Variants in CD86 observed in about 807,000 individuals in gnomAD.
CD86 encodes the protein CD86 molecule, also known as T-lymphocyte activation antigen CD86.
In CD86, 11 loss-of-function variants were observed where a neutral mutation model predicts 32.1. The observed-to-expected ratio is 0.34, with a 90% CI of 0.22 to 0.57. CD86 has a LOEUF of 0.57. CD86 is among the 20% of genes least tolerant of loss of function. The pLI, the probability that CD86 is intolerant of heterozygous loss-of-function variation, is 0.86. For missense variants in CD86, 359 were observed against 398.4 expected, an observed-to-expected ratio of 0.90 and a Z score of 0.84; for synonymous variants, 137 against 135.3, an observed-to-expected ratio of 1.01 and a Z score of -0.09.
chr3:122,096,376 T>G (rs921308364), intron 2 of CD86, among the ~76,000 whole-genome samples: 2 of 152,172 alleles, frequency 1.3e-5, no homozygotes, highest in Non-Finnish European at 2.9e-5. Context: ...ATTTTTATGT[T>G]TTATAATTTC....
intron 5 of CD86, among the ~76,000 whole-genome samples, chr3:122,110,321 G>A (rs2073153455): frequency 6.6e-6 from 1 of 152,134 alleles, no homozygotes; most frequent in South Asian, 2.1e-4. Flanking sequence ...GTTTCATGGG[G>A]ACAAAGTGGT....
chr3:122,072,105 A>G (rs1330471921), intron 1 of CD86, among the ~76,000 whole-genome samples: 1 of 150,994 alleles, frequency 6.6e-6, no homozygotes. Flanking sequence ...TATATGTGCC[A>G]TATTTTCTTA....
intron 1 of CD86, chr3:122,077,908 C>G: frequency 3.0e-6 from 3 of 985,492 alleles, no homozygotes; most frequent in Non-Finnish European, 3.6e-6. Flanking sequence ...CTACAAGGAG[C>G]CTTAGGAGGT....
chr3:122,104,741 C>T (rs1016865734), intron 3 of CD86, among the ~76,000 whole-genome samples: 4 of 152,152 alleles, frequency 2.6e-5, no homozygotes, highest in Non-Finnish European at 4.4e-5. Flanking sequence ...AGCGCGCCTT[C>T]GAGATTCACC....
intron 5 of CD86, among the ~76,000 whole-genome samples, chr3:122,113,828 T>C (rs2073210625): frequency 6.6e-6 from 1 of 152,224 alleles, no homozygotes; most frequent in Non-Finnish European, 1.5e-5. Context: ...AGAGATACTG[T>C]CTTCAAATAT....
intron 5 of CD86, among the ~76,000 whole-genome samples, chr3:122,115,794 A>G (rs1278109525): frequency 1.3e-5 from 2 of 151,080 alleles, no homozygotes. Flanking sequence ...AACCTACCTA[A>G]TTTCAATATT....
At chr3:122,106,867 C>CACACACACACAT (rs2073100477) in intron 4 of CD86, among the ~76,000 whole-genome samples, 1 of 151,822 alleles carries the variant, frequency 6.6e-6, no homozygotes. Context: ...CACACACACA[C>CACACACACACAT]ACACCATGCA....
At chr3:122,073,221 T>C (rs1278828932) in intron 1 of CD86, among the ~76,000 whole-genome samples, 1 of 150,686 alleles carries the variant, frequency 6.6e-6, no homozygotes, top group Non-Finnish European at 1.5e-5. Flanking sequence ...TTCTACTAGA[T>C]GTGTAGTGGT....
chr3:122,101,038 G>A (rs2072991449), intron 2 of CD86, among the ~76,000 whole-genome samples: 1 of 152,118 alleles, frequency 6.6e-6, no homozygotes, highest in Admixed American at 6.5e-5. Context: ...GCCAGTGGTT[G>A]GTGAGGTGCT....
At chr3:122,075,387 G>T (rs1473154749) in intron 1 of CD86, among the ~76,000 whole-genome samples, 1 of 152,154 alleles carries the variant, frequency 6.6e-6, no homozygotes, top group Non-Finnish European at 1.5e-5. Flanking sequence ...TATTTGGAAG[G>T]GTTTATATAA....
intron 1 of CD86, among the ~76,000 whole-genome samples, chr3:122,063,443 GGTAA>G (rs1288173076): frequency 1.6e-4 from 24 of 152,088 alleles, no homozygotes; most frequent in Non-Finnish European, 2.5e-4. Flanking sequence ...TAGAAGAATA[GGTAA>G]GTAAGTTAAA....
At chr3:122,079,105 T>C (rs1305898931) in intron 1 of CD86, among the ~76,000 whole-genome samples, 1 of 152,246 alleles carries the variant, frequency 6.6e-6, no homozygotes, top group East Asian at 1.9e-4. Context: ...TCTTGTTTTC[T>C]AGCCTAGTGG....
Position 122,119,335 on chromosome 3 carries a change from G to C in CD86, c.894-103G>C, listed in dbSNP as rs937303254. 2.5e-5 allele frequency: 18 copies of C among 724,494 alleles called. No individual in the cohort carries two copies. In the Admixed American group the frequency reaches 3.0e-4, roughly 12 times the overall value. 44.9% of individuals were successfully genotyped at this position (724,494 alleles called of 1,614,324 possible). A position where few individuals can be genotyped will look rare whatever the true frequency, so the allele number is the denominator to read the frequency against. ...CTTCAATAGTTTGTTTCTCCTCATT[G>C]CTGTTCCAATGGCAACCTCTATTCT... On this transcript the variant is annotated intron_variant, in intron 6 of 6. Transcript: ENST00000330540.
chr3:122,089,198 T>C (rs915530363), intron 1 of CD86, among the ~76,000 whole-genome samples: 15 of 152,166 alleles, frequency 9.9e-5, no homozygotes. Flanking sequence ...TATTGTTTAA[T>C]AGGTATAGAG....
chr3:122,095,303 C>T (rs907533585), intron 2 of CD86, among the ~76,000 whole-genome samples: 3 of 151,872 alleles, frequency 2.0e-5, no homozygotes, highest in African/African-American at 7.3e-5. Context: ...TCCCAAGTAG[C>T]TGGGATTACA....
intron 1 of CD86, among the ~76,000 whole-genome samples, chr3:122,062,019 G>A (rs1484197377): frequency 6.6e-6 from 1 of 151,482 alleles, no homozygotes; most frequent in African/African-American, 2.4e-5. Flanking sequence ...AAGGTACACA[G>A]GACTTCCCTG....
chr3:122,057,974 C>T (rs369485402), intron 1 of CD86, among the ~76,000 whole-genome samples: 71 of 152,304 alleles, frequency 4.7e-4, no homozygotes, highest in African/African-American at 1.4e-3. Context: ...AACTTCCTAG[C>T]TATGTGATTT....
rs747238810 is a variant in CD86 at position 122,103,553 on chromosome 3, G to T, written c.106G>T (p.Ala36Ser). The change falls in exon 3 of 7, where the codon GCA becomes TCA. Residue 36 changes from alanine (A) to serine (S), a missense_variant. Coordinates refer to ENST00000330540, the MANE Select transcript of CD86 (RefSeq NM_175862.5). Reference sequence around the variant, plus strand: ...GATTCAAGCTTATTTCAATGAGACTGCAGACCTGCCATGCCAATTTGCAAA... The same window carrying T: ...GATTCAAGCTTATTTCAATGAGACTTCAGACCTGCCATGCCAATTTGCAAA... ...LKIQAYFNET[A>S]DLPCQFANSQ... is the part of the protein sequence containing the mutation. The T allele has an allele frequency of 8.7e-6, 14 of 1,613,586 alleles. No homozygotes were observed. The highest frequency in any genetic ancestry group is 1.3e-5 in the African/African-American group (1 of 74,876).
intron 1 of CD86, among the ~76,000 whole-genome samples, chr3:122,072,877 G>A (rs1423540831): frequency 6.6e-6 from 1 of 152,028 alleles, no homozygotes. Flanking sequence ...TAATGTTTAA[G>A]TCTTTAATCC....
Sources: gnomAD v4.1 joint callset for allele counts (sites outside exome capture counted in the v4.1 genomes callset) on GRCh38, gnomAD v4.1.1 for gene constraint, MANE v1.5 for transcripts, NCBI Gene and HGNC (gene_info 2026-07-23, HGNC 2026-07-21) for gene names.